The following TNKS2 variants were observed in gnomAD, a reference collection of about 807,000 sequenced individuals.
The protein encoded by TNKS2 is poly [ADP-ribose] polymerase tankyrase-2.
Under a neutral mutation model 137.6 loss-of-function variants are expected in TNKS2, and 72 were observed. The ratio of observed to expected loss-of-function variants is 0.52; its 90% CI spans 0.43 to 0.64. TNKS2 has a LOEUF of 0.64. Among genes scored for constraint, TNKS2 ranks in the 30% least tolerant of loss-of-function variants. The pLI, the probability that TNKS2 is intolerant of heterozygous loss-of-function variation, is 0.00. For missense variants in TNKS2, 1,049 were observed against 1,410.2 expected, an observed-to-expected ratio of 0.74 and a Z score of 4.10; for synonymous variants, 516 against 512.1, an observed-to-expected ratio of 1.01 and a Z score of -0.10.
At chr10:91,820,839 A>T (rs960721387) in intron 6 of TNKS2, among the ~76,000 whole-genome samples, 2 of 152,172 alleles carry the variant, frequency 1.3e-5, no homozygotes, top group African/African-American at 4.8e-5. Context: ...GATGCAAGAG[A>T]TATTGCAGTG....
intron 7 of TNKS2, among the ~76,000 whole-genome samples, chr10:91,825,406 A>C (rs977903264): frequency 2.6e-5 from 4 of 152,134 alleles, no homozygotes; most frequent in African/African-American, 4.8e-5. Context: ...TCTGGCCTCA[A>C]TTATTTTTTA....
At chr10:91,807,995 CAAAA>C (rs35736923) in intron 1 of TNKS2, among the ~76,000 whole-genome samples, 37 of 118,576 alleles carry the variant, frequency 3.1e-4, no homozygotes, top group Non-Finnish European at 3.7e-4. Context: ...GACTCTGTCT[CAAAA>C]AAAAAAAAAA....
At chr10:91,808,422 T>C (rs960662230) in intron 1 of TNKS2, among the ~76,000 whole-genome samples, 43 of 152,116 alleles carry the variant, frequency 2.8e-4, no homozygotes, top group African/African-American at 1.0e-3. Context: ...GAAGGAGCTT[T>C]TAAGGCCATA....
intron 3 of TNKS2, among the ~76,000 whole-genome samples, chr10:91,817,482 G>A (rs565646529): frequency 1.3e-5 from 2 of 152,266 alleles, no homozygotes; most frequent in South Asian, 4.1e-4. Flanking sequence ...ATAGATAATT[G>A]TATGTTGCTT....
intron 7 of TNKS2, among the ~76,000 whole-genome samples, chr10:91,825,110 T>C (rs1845025210): frequency 6.6e-6 from 1 of 152,038 alleles, no homozygotes; most frequent in African/African-American, 2.4e-5. Context: ...TTTGTTTTGT[T>C]TTGGTCGAGG....
chr10:91,820,299 A>G (rs895711714), intron 6 of TNKS2, among the ~76,000 whole-genome samples: 2 of 152,206 alleles, frequency 1.3e-5, no homozygotes, highest in Non-Finnish European at 2.9e-5. Flanking sequence ...ATAGAGAGGG[A>G]TAGCACTGCA....
chr10:91,821,098 C>T (rs886712939), intron 6 of TNKS2, among the ~76,000 whole-genome samples: 3 of 152,034 alleles, frequency 2.0e-5, no homozygotes, highest in African/African-American at 4.8e-5. Context: ...AGTGCAGTGG[C>T]GCGATCGTGG....
At position 91,842,525 on chromosome 10, in the gene TNKS2, A is replaced by G. The variant is rs747015806; in HGVS notation, c.2059+134A>G. 89 of 768,670 alleles carry G rather than the reference A, an allele frequency of 1.2e-4. No homozygotes were observed. The Middle Eastern group carries it at 1.9e-3, about 16-fold the overall frequency. 47.6% of individuals were successfully genotyped at this position (768,670 alleles called of 1,614,324 possible). On this transcript the variant is annotated intron_variant, in intron 16 of 26. Coordinates refer to ENST00000371627, the MANE Select transcript of TNKS2 (RefSeq NM_025235.4). ...ATGGTGGCTCACACTTGTAATCCCA[A>G]CACTTTATGAGGCTAAGGCAGGAGG...
At chr10:91,803,252 G>T (rs1346849871) in intron 1 of TNKS2, among the ~76,000 whole-genome samples, 1 of 152,138 alleles carries the variant, frequency 6.6e-6, no homozygotes, top group Non-Finnish European at 1.5e-5. Flanking sequence ...AGTGCCACAG[G>T]CTATAATCCC....
At chr10:91,824,082 GT>G (rs1441530026) in intron 7 of TNKS2, among the ~76,000 whole-genome samples, 2 of 152,182 alleles carry the variant, frequency 1.3e-5, no homozygotes, top group Non-Finnish European at 2.9e-5. Context: ...CTAAGACCTA[GT>G]ATTTTACTAA....
chr10:91,860,546 T>C (rs573993310), intron 25 of TNKS2, among the ~76,000 whole-genome samples: 14 of 152,228 alleles, frequency 9.2e-5, no homozygotes, highest in African/African-American at 2.2e-4. Flanking sequence ...CTTTGCACTT[T>C]GGCAGCACAT....
chr10:91,842,799 A>G (rs1053625196), intron 16 of TNKS2, among the ~76,000 whole-genome samples: 2 of 152,138 alleles, frequency 1.3e-5, no homozygotes, highest in African/African-American at 4.8e-5. Context: ...ATTCAAATCA[A>G]GTATCTTCTA....
Position 91,813,156 on chromosome 10 carries a change from T to C in TNKS2, c.373T>C (p.Tyr125His). ...ADPNARDNWN[Y>H]TPLHEAAIKG... The stretch of plus-strand genomic sequence containing the variant: ...CCCCAATGCTCGAGATAATTGGAAT[T>C]ATACTCCTCTCCATGAAGCTGCAAT... The change falls in exon 2 of 27, where the codon TAT (tyrosine) becomes CAT (histidine). Residue 125 changes from tyrosine (Y) to histidine (H), a missense_variant. Coordinates refer to ENST00000371627, the MANE Select transcript of TNKS2 (RefSeq NM_025235.4). 2 of 1,614,204 alleles carry C rather than the reference T, an allele frequency of 1.2e-6. No individual in the cohort carries two copies. The highest frequency in any genetic ancestry group is 8.5e-7 in the Non-Finnish European group (1 of 1,180,034).
chr10:91,862,228 A>C, intron 26 of TNKS2, 73 bp downstream of exon 26: 2 of 1,250,376 alleles, frequency 1.6e-6, no homozygotes, highest in Non-Finnish European at 2.1e-6. Context: ...AATCTCTTGA[A>C]TTGACAAGAC....
chr10:91,847,670 G>A (rs140565902), intron 18 of TNKS2, among the ~76,000 whole-genome samples: 24 of 152,242 alleles, frequency 1.6e-4, no homozygotes, highest in Non-Finnish European at 2.8e-4. Flanking sequence ...TAGCAGATTT[G>A]ATTAAAATGA....
intron 1 of TNKS2, among the ~76,000 whole-genome samples, chr10:91,801,058 A>T (rs952857786): frequency 1.3e-5 from 2 of 152,132 alleles, no homozygotes; most frequent in African/African-American, 2.4e-5. Flanking sequence ...TTATTTTAAA[A>T]TTTTTTTAGC....
At chr10:91,801,666 GT>G (rs1387703354) in intron 1 of TNKS2, among the ~76,000 whole-genome samples, 2 of 149,746 alleles carry the variant, frequency 1.3e-5, no homozygotes, top group Non-Finnish European at 3.0e-5. Flanking sequence ...TAGAGACAGG[GT>G]TTCAACATGT....
Position 91,822,459 on chromosome 10 carries a change from C to G in TNKS2, c.795+97C>G. 3.2e-6 allele frequency: 3 copies of G among 942,084 alleles called. No individual in the cohort carries two copies. The South Asian group carries it at 5.0e-5, about 16-fold the overall frequency. 58.4% of individuals were successfully genotyped at this position (942,084 alleles called of 1,614,324 possible). ...TGGGTTTCTTTTTATTTTCTGTGTTCTTAGTGCTTAAAAAAGTAGAAGTAT... is the reference window on the plus strand; with the variant it reads ...TGGGTTTCTTTTTATTTTCTGTGTTGTTAGTGCTTAAAAAAGTAGAAGTAT... On this transcript the variant is annotated intron_variant, in intron 7 of 26. Coordinates refer to ENST00000371627, the MANE Select transcript of TNKS2 (RefSeq NM_025235.4).
chr10:91,798,648 C>T lies in TNKS2; in HGVS notation c.-43C>T. 2.5e-6 allele frequency: 3 copies of T among 1,216,510 alleles called. No individual in the cohort carries two copies. The highest frequency in any genetic ancestry group is 1.6e-5 in the African/African-American group (1 of 63,628). The allele number at this position is 1,216,510 out of a possible 1,614,324, so 75.4% of individuals were successfully genotyped here. A position where few individuals can be genotyped will look rare whatever the true frequency, so the allele number is the denominator to read the frequency against. ...TGCTCGCGGGGCCGGGGCTCCTGCT[C>T]CGGTTGCTGGCGCTGTTGCTGGCTG... On this transcript the variant is annotated 5_prime_UTR_variant, in exon 1 of 27. Transcript: ENST00000371627.
Sources: gnomAD v4.1 joint callset for allele counts (sites outside exome capture counted in the v4.1 genomes callset) on GRCh38, gnomAD v4.1.1 for gene constraint, MANE v1.5 for transcripts, NCBI Gene and HGNC (gene_info 2026-07-23, HGNC 2026-07-21) for gene names.